The following DSCAML1 variants were observed in gnomAD, a reference collection of about 807,000 sequenced individuals.
The protein encoded by DSCAML1 is cell adhesion molecule DSCAML1.
Under a neutral mutation model 200.5 loss-of-function variants are expected in DSCAML1, and 38 were observed. The observed-to-expected ratio is 0.19, with a 90% CI of 0.15 to 0.25. The LOEUF (loss-of-function observed/expected upper bound fraction) is 0.25, where lower values mean the gene tolerates loss of function less well. DSCAML1 is among the 10% of genes least tolerant of loss of function. The probability of loss-of-function intolerance (pLI) is 1.00; values close to 1 mark genes in which losing one functional copy is unlikely to be tolerated. For synonymous variants in DSCAML1, 1,215 were observed against 1,165.0 expected (o/e 1.04, Z -0.87); for missense variants, 2,223 against 2,858.8 (o/e 0.78, Z 5.07).
intron 1 of DSCAML1, among the ~76,000 whole-genome samples, chr11:117,792,441 G>A (rs552888153): frequency 2.8e-4 from 43 of 152,138 alleles, no homozygotes; most frequent in African/African-American, 1.0e-3. Context: ...CCAGGCTCTT[G>A]ACACGCCCTT....
chr11:117,649,696 C>T (rs959626078), intron 3 of DSCAML1, among the ~76,000 whole-genome samples: 6 of 152,186 alleles, frequency 3.9e-5, no homozygotes, highest in South Asian at 2.1e-4. Context: ...TAAAATAGCA[C>T]GGGTTGAGAA....
Position 117,482,085 on chromosome 11 carries a change from G to T in DSCAML1, c.2437C>A (p.Arg813=), listed in dbSNP as rs150629545. ...CGGATGATGATGGGCCGCTCACCCC[G>T]TGCCGTGCAGTTTAGCTCCTTCGCA... ...GHAKELNCTA[R]GERPIIIRWE... is the part of the protein sequence containing the mutation. Residue 813 remains arginine (R), a synonymous_variant, in exon 12 of 33, where the codon CGG becomes AGG. Transcript: ENST00000651296. 8 of 1,614,068 alleles carry T rather than the reference G, an allele frequency of 5.0e-6. No homozygotes were observed. In the African/African-American group the frequency reaches 6.7e-5, roughly 13 times the overall value.
At position 117,778,096 on chromosome 11, in the gene DSCAML1, T is replaced by C. The variant is rs551565164; in HGVS notation, c.365-1159A>G. On this transcript the variant is annotated intron_variant, in intron 2 of 32. Coordinates refer to ENST00000651296, the MANE Select transcript of DSCAML1 (RefSeq NM_020693.4). The stretch of plus-strand genomic sequence containing the variant: ...TCTGGCATCATCAAGAGTCTCTTAA[T>C]TGACTGTGTTTCCAGTCAGCCTGGC... Among the ~76,000 whole-genome samples the C allele has an allele frequency of 3.3e-5, 5 of 152,362 alleles. 1 individual carries two copies. The highest frequency in any genetic ancestry group is 1.2e-4 in the African/African-American group (5 of 41,592).
At chr11:117,636,782 A>G (rs1243570223) in intron 3 of DSCAML1, among the ~76,000 whole-genome samples, 8 of 152,186 alleles carry the variant, frequency 5.3e-5, no homozygotes, top group Non-Finnish European at 5.9e-5. Flanking sequence ...TAAACTGTGA[A>G]TTTTACATCT....
intron 3 of DSCAML1, among the ~76,000 whole-genome samples, chr11:117,760,555 C>T (rs540658543): frequency 1.4e-4 from 21 of 152,318 alleles, no homozygotes; most frequent in South Asian, 4.1e-4. Context: ...CTCTGGTTCA[C>T]GCATTTCCCC....
intron 1 of DSCAML1, among the ~76,000 whole-genome samples, chr11:117,812,974 C>A (rs534218148): frequency 6.6e-6 from 1 of 152,024 alleles, no homozygotes; most frequent in South Asian, 2.1e-4. Flanking sequence ...GAGAAGGCCA[C>A]CACAGTCATT....
chr11:117,603,165 G>A (rs2051498830), intron 3 of DSCAML1, among the ~76,000 whole-genome samples: 1 of 152,172 alleles, frequency 6.6e-6, no homozygotes, highest in African/African-American at 2.4e-5. Flanking sequence ...CCCATATGAG[G>A]AACTGACACA....
chr11:117,477,619 A>G (rs1235379672), intron 14 of DSCAML1, among the ~76,000 whole-genome samples: 1 of 152,190 alleles, frequency 6.6e-6, no homozygotes, highest in Non-Finnish European at 1.5e-5. Context: ...TAGAAGAGAC[A>G]GAAGAAGTTA....
intron 3 of DSCAML1, among the ~76,000 whole-genome samples, chr11:117,661,734 C>T (rs2052857928): frequency 6.6e-6 from 1 of 152,194 alleles, no homozygotes; most frequent in Non-Finnish European, 1.5e-5. Flanking sequence ...GCACCTCTCT[C>T]TCATTTTCTT....
intron 16 of DSCAML1, among the ~76,000 whole-genome samples, chr11:117,465,695 T>C (rs995035793): frequency 3.3e-5 from 5 of 152,178 alleles, no homozygotes; most frequent in African/African-American, 4.8e-5. Flanking sequence ...TGTCGCACTC[T>C]CCGTGTCTAG....
intron 20 of DSCAML1, 57 bp downstream of exon 20, chr11:117,450,492 C>T: frequency 1.3e-6 from 2 of 1,582,208 alleles, no homozygotes; most frequent in Non-Finnish European, 1.7e-6. Flanking sequence ...GGCTGATGTA[C>T]AAGGTCCCTT....
chr11:117,434,440 T>C lies in DSCAML1; in HGVS notation c.4877-969A>G, dbSNP rs187586952. Among the ~76,000 whole-genome samples, 31 of 152,110 alleles carry C rather than the reference T, an allele frequency of 2.0e-4. No individual in the cohort carries two copies. In the East Asian group the frequency reaches 5.2e-3, roughly 26 times the overall value. On this transcript the variant is annotated intron_variant, in intron 27 of 32. Coordinates refer to ENST00000651296, the MANE Select transcript of DSCAML1 (RefSeq NM_020693.4). ...ACTCCTTTAACCATTCACCCAATCA[T>C]TCCACAATTCCAATAGTTTTTCCAT...
At chr11:117,521,913 C>CCACGTGGCAG (rs1275449922) in intron 5 of DSCAML1, among the ~76,000 whole-genome samples, 5 of 152,204 alleles carry the variant, frequency 3.3e-5, no homozygotes, top group Admixed American at 6.5e-5. Context: ...CAACCTGGAT[C>CCACGTGGCAG]CACGTGGCAG....
At chr11:117,512,792 CACACACA>C (rs1202825000) in intron 8 of DSCAML1, among the ~76,000 whole-genome samples, 192 of 150,986 alleles carry the variant, frequency 1.3e-3, no homozygotes, top group Non-Finnish European at 2.3e-3. Context: ...CACACACACA[CACACACA>C]CACCCCTCCC....
Position 117,657,125 on chromosome 11 carries a change from G to A in DSCAML1, c.511+119666C>T, listed in dbSNP as rs537859631. Among the ~76,000 whole-genome samples the A allele has an allele frequency of 1.0e-3, 154 of 152,310 alleles. 1 individual carries two copies. In the South Asian group the frequency reaches 0.019, roughly 19 times the overall value. On this transcript the variant is annotated intron_variant, in intron 3 of 32. Coordinates refer to ENST00000651296, the MANE Select transcript of DSCAML1 (RefSeq NM_020693.4). Reference sequence around the variant, plus strand: ...CACACTCCCAGGCCAACAGCAGCTAGTCCTGGAAGGTGACACCTCTGCCCT... The same window carrying A: ...CACACTCCCAGGCCAACAGCAGCTAATCCTGGAAGGTGACACCTCTGCCCT...
intron 3 of DSCAML1, among the ~76,000 whole-genome samples, chr11:117,541,349 A>T (rs75103130): frequency 0.01 from 1,575 of 152,292 alleles, 19 homozygotes; most frequent in African/African-American, 0.035. Context: ...GCAAGAAGTT[A>T]TTTTGGTTCA....
intron 1 of DSCAML1, among the ~76,000 whole-genome samples, chr11:117,782,274 G>A (rs1356080032): frequency 6.6e-6 from 1 of 152,196 alleles, no homozygotes; most frequent in Non-Finnish European, 1.5e-5. Flanking sequence ...AGCCTCATTG[G>A]TCAGAGCAAT....
rs983349139 is a variant in DSCAML1, at chr11:117,518,665, G to C, written c.1311C>G (p.Pro437=). The C allele has an allele frequency of 3.1e-6, 5 of 1,613,058 alleles. No homozygotes were observed. The Admixed American group carries it at 5.0e-5, about 16-fold the overall frequency. ...LMCAAKGAPP[P]TVTWALDDEP... ...CATCGTCGAGGGCCCAGGTGACCGT[G>C]GGGGGCGGGGCGCCCTTGGCCGCAC... is the stretch of plus-strand genomic sequence containing the variant. Residue 437 remains proline, a synonymous_variant, in exon 7 of 33, where the codon CCC becomes CCG. Transcript: ENST00000651296. The surrounding 1 kb of genome is among the most constrained non-coding windows in gnomAD (Gnocchi z 6.3).
At chr11:117,626,651 G>A (rs1275359325) in intron 3 of DSCAML1, among the ~76,000 whole-genome samples, 2 of 152,160 alleles carry the variant, frequency 1.3e-5, no homozygotes, top group African/African-American at 4.8e-5. Flanking sequence ...TTCTCGAGCT[G>A]TACCCAAACA....
Sources: allele counts gnomAD v4.1 joint callset (sites outside exome capture counted in the v4.1 genomes callset), GRCh38; gene constraint gnomAD v4.1.1; non-coding constraint Gnocchi (gnomAD v3.1); transcripts MANE v1.5; gene names NCBI Gene and HGNC (gene_info 2026-07-23, HGNC 2026-07-21).